The following STPG2 variants were observed in gnomAD, a reference collection of about 807,000 sequenced individuals.
STPG2 encodes sperm-tail PG-rich repeat-containing protein 2.
Under a neutral mutation model 54.2 loss-of-function variants are expected in STPG2, and 56 were observed. The observed-to-expected ratio is 1.03, with a 90% CI of 0.83 to 1.29. STPG2 has a LOEUF of 1.29. Among genes scored for constraint, STPG2 ranks in the 50% most tolerant of loss-of-function variants. STPG2 has a pLI of 0.00. For synonymous variants in STPG2, 200 were observed against 181.8 expected (o/e 1.10, Z -0.81); for missense variants, 596 against 544.9 (o/e 1.09, Z -0.93).
At chr4:97,552,999 A>G (rs545075789) in intron 4 of STPG2, among the ~76,000 whole-genome samples, 2 of 152,310 alleles carry the variant, frequency 1.3e-5, no homozygotes, top group South Asian at 4.1e-4. Flanking sequence ...ATAACTTGCA[A>G]TCACAAGACT....
chr4:97,541,219 C>A (rs1731695328), intron 4 of STPG2, among the ~76,000 whole-genome samples: 1 of 152,064 alleles, frequency 6.6e-6, no homozygotes, highest in Non-Finnish European at 1.5e-5. Context: ...ATCTAGAAAA[C>A]CCCATCATCT....
chr4:97,789,348 T>C (rs923096947), intron 9 of STPG2, among the ~76,000 whole-genome samples: 2 of 152,080 alleles, frequency 1.3e-5, no homozygotes, highest in African/African-American at 4.8e-5. Context: ...GGAGAAATTA[T>C]AACTAATATA....
intron 9 of STPG2, among the ~76,000 whole-genome samples, chr4:97,796,322 T>C (rs1331635058): frequency 6.6e-6 from 1 of 152,226 alleles, no homozygotes; most frequent in Non-Finnish European, 1.5e-5. Context: ...TCTAGGGTTT[T>C]TATGGTTTTA....
chr4:97,521,712 A>C (rs950205764), intron 4 of STPG2, among the ~76,000 whole-genome samples: 5 of 152,038 alleles, frequency 3.3e-5, no homozygotes, highest in African/African-American at 1.2e-4. Flanking sequence ...AAAATATGTA[A>C]AATAGAATCC....
At chr4:98,046,140 C>A (rs1456508810) in intron 5 of STPG2, among the ~76,000 whole-genome samples, 1 of 105,014 alleles carries the variant, frequency 9.5e-6, no homozygotes, top group African/African-American at 3.9e-5. Context: ...CTCTAGTCTG[C>A]TATTGAACAT....
chr4:97,973,835 G>A (rs1400933938), intron 6 of STPG2, among the ~76,000 whole-genome samples: 1 of 152,236 alleles, frequency 6.6e-6, no homozygotes, highest in East Asian at 1.9e-4. Flanking sequence ...TGCTGCAGGG[G>A]TGGGGCCTTT....
chr4:98,130,765 A>T (rs1739964468), intron 2 of STPG2, among the ~76,000 whole-genome samples: 2 of 151,702 alleles, frequency 1.3e-5, no homozygotes, highest in African/African-American at 4.8e-5. Context: ...TACTAAAAAT[A>T]CAAAAAGTTA....
chr4:97,866,209 A>G (rs960006564), intron 8 of STPG2, among the ~76,000 whole-genome samples: 1 of 151,966 alleles, frequency 6.6e-6, no homozygotes, highest in African/African-American at 2.4e-5. Flanking sequence ...ACTACAGTCA[A>G]CAATAATGTA....
At chr4:97,924,105 C>G (rs1015181327) in intron 8 of STPG2, among the ~76,000 whole-genome samples, 3 of 152,170 alleles carry the variant, frequency 2.0e-5, no homozygotes, top group Non-Finnish European at 4.4e-5. Flanking sequence ...TAACACTCAC[C>G]GCGAAGGTCT....
chr4:97,637,664 T>C (rs1721605094), intron 10 of STPG2, among the ~76,000 whole-genome samples: 1 of 152,158 alleles, frequency 6.6e-6, no homozygotes, highest in Non-Finnish European at 1.5e-5. Context: ...ACAAAATCAA[T>C]GTGCAAAAAT....
chr4:97,925,969 C>T (rs763360071), intron 8 of STPG2, among the ~76,000 whole-genome samples: 18 of 152,150 alleles, frequency 1.2e-4, no homozygotes, highest in Non-Finnish European at 1.8e-4. Context: ...TCACTACCTC[C>T]ATGATACCTT....
intron 6 of STPG2, among the ~76,000 whole-genome samples, chr4:97,974,175 T>C (rs1399876181): frequency 6.6e-6 from 1 of 152,174 alleles, no homozygotes; most frequent in Non-Finnish European, 1.5e-5. Flanking sequence ...AGCTTTAAGA[T>C]TTGACTGCCC....
In STPG2 at chr4:97,529,364, T is replaced by A. The variant is rs192270585; in HGVS notation, c.462+183335A>T. 3.5e-3 allele frequency among the ~76,000 whole-genome samples: 537 copies of A among 152,318 alleles called. 4 individuals are homozygous for A. Among genetic ancestry groups the A allele is most frequent in the African/African-American group, 0.012 (500 of 41,576 alleles). ...ATCATGGTGGATAAGCTTTTTGATG[T>A]TCTGCTGGATTCGTTTTGCCAGTAT... On this transcript the variant is annotated intron_variant, in intron 4 of 4. Coordinates refer to the STPG2 transcript ENST00000522676.
chr4:97,506,367 T>A (rs1730844748), intron 4 of STPG2, among the ~76,000 whole-genome samples: 2 of 151,916 alleles, frequency 1.3e-5, no homozygotes, highest in South Asian at 4.2e-4. Context: ...AGGTTTAGAT[T>A]GGAGGCGCCG....
At chr4:97,776,554 T>G (rs1726382073) in intron 9 of STPG2, among the ~76,000 whole-genome samples, 1 of 152,172 alleles carries the variant, frequency 6.6e-6, no homozygotes, top group Non-Finnish European at 1.5e-5. Context: ...TACAGCGAGA[T>G]GAATGGATTA....
Position 97,885,196 on chromosome 4 carries a change from C to T in STPG2, c.1045-44264G>A, listed in dbSNP as rs59605659. On this transcript the variant is annotated intron_variant, in intron 8 of 10. Transcript: ENST00000295268. ...AGTCAGTGAACTGGAGAAATAGTAA[C>T]TAACAACTTCAGCCTGAAACCCTGG... Among the ~76,000 whole-genome samples the T allele has an allele frequency of 1.9e-3, 287 of 152,228 alleles. 2 individuals carry two copies. The highest frequency in any genetic ancestry group is 6.5e-3 in the African/African-American group (272 of 41,540).
intron 3 of STPG2, among the ~76,000 whole-genome samples, chr4:98,128,051 G>C (rs1431865859): frequency 7.2e-5 from 11 of 151,974 alleles, no homozygotes; most frequent in Admixed American, 7.2e-4. Flanking sequence ...GTTAAGTATG[G>C]CCATGTGACT....
rs561080941 is a variant in STPG2, at chr4:97,477,643, ATT to A, written c.462+235054_462+235055del. Among the ~76,000 whole-genome samples, 93 of 141,254 alleles carry A rather than the reference ATT, an allele frequency of 6.6e-4. No individual in the cohort carries two copies. In the Middle Eastern group the frequency reaches 0.011, roughly 17 times the overall value. 92.7% of individuals were successfully genotyped at this position (141,254 alleles called of 152,430 possible). A position where few individuals can be genotyped will look rare whatever the true frequency, so the allele number is the denominator to read the frequency against. On this transcript the variant is annotated intron_variant, in intron 4 of 4. Transcript: ENST00000522676. The stretch of plus-strand genomic sequence containing the variant: ...AGGCGCCTGCCACCATGCCCGGCTA[ATT>A]TTTTTTTTTTTTCTTTTTGTATTTT...
intron 10 of STPG2, among the ~76,000 whole-genome samples, chr4:97,603,992 C>T (rs541036558): frequency 1.3e-4 from 19 of 151,576 alleles, no homozygotes; most frequent in South Asian, 6.3e-4. Context: ...TATATTGCAC[C>T]GCAATTGAAA....
Sources: allele counts gnomAD v4.1 joint callset (sites outside exome capture counted in the v4.1 genomes callset), GRCh38; gene constraint gnomAD v4.1.1; transcripts MANE v1.5; gene names NCBI Gene and HGNC (gene_info 2026-07-23, HGNC 2026-07-21).